Variants in CLASP1 observed in about 807,000 individuals in gnomAD.
The protein encoded by CLASP1 is cytoplasmic linker associated protein 1.
A neutral mutation model predicts 192.3 loss-of-function variants in CLASP1; 38 were observed. The observed-to-expected ratio is 0.20, with a 90% confidence interval of 0.15 to 0.26. The LOEUF is 0.26. Among genes scored for constraint, CLASP1 ranks in the 10% least tolerant of loss-of-function variants. The pLI is 1.00. For synonymous variants in CLASP1, 691 were observed against 712.8 expected, an observed-to-expected ratio of 0.97 and a Z score of 0.49; for missense variants, 1,433 against 1,932.5, an observed-to-expected ratio of 0.74 and a Z score of 4.85.
At chr2:121,585,614 C>T (rs1340933676) in intron 2 of CLASP1, among the ~76,000 whole-genome samples, 1 of 152,160 alleles carries the variant, frequency 6.6e-6, no homozygotes, top group Non-Finnish European at 1.5e-5. Flanking sequence ...AAAAATAAGT[C>T]TTTTGGCCAG....
chr2:121,574,634 CAA>C (rs1173756631), intron 2 of CLASP1, among the ~76,000 whole-genome samples: 18 of 79,024 alleles, frequency 2.3e-4, no homozygotes, highest in African/African-American at 3.0e-4. Context: ...GACTCCATAT[CAA>C]AAAAAAAAAA....
chr2:121,368,342 A>G lies in CLASP1; in HGVS notation c.3643-511T>C, dbSNP rs529286618. Among the ~76,000 whole-genome samples the G allele has an allele frequency of 4.6e-5, 7 of 152,228 alleles. No homozygotes were observed. In the East Asian group the frequency reaches 1.4e-3, roughly 29 times the overall value. The stretch of plus-strand genomic sequence containing the variant: ...GGGCCTCGGCGCTTCACAATCTCCT[A>G]TGACAGAGAACTCAGCACCTCCTAG... On this transcript the variant is annotated intron_variant, in intron 34 of 39. Coordinates refer to ENST00000263710, the Ensembl canonical transcript of CLASP1.
At chr2:121,478,823 C>G (rs537703865) in intron 8 of CLASP1, among the ~76,000 whole-genome samples, 1 of 31,030 alleles carries the variant, frequency 3.2e-5, no homozygotes, top group South Asian at 1.0e-3. Context: ...CCACACACAA[C>G]CACACACCAC....
At chr2:121,559,425 A>G (rs2058874242) in intron 2 of CLASP1, among the ~76,000 whole-genome samples, 1 of 152,234 alleles carries the variant, frequency 6.6e-6, no homozygotes, top group Non-Finnish European at 1.5e-5. Flanking sequence ...TAATAGTCAA[A>G]AAGTGAAAAC....
intron 1 of CLASP1, among the ~76,000 whole-genome samples, chr2:121,612,036 AGAG>A (rs1192029065): frequency 1.8e-5 from 2 of 113,686 alleles, no homozygotes; most frequent in Non-Finnish European, 3.7e-5. Flanking sequence ...AGGAACTGGA[AGAG>A]GAGGAGTTAC....
chr2:121,438,261 A>G (rs938070959), intron 19 of CLASP1, among the ~76,000 whole-genome samples: 8 of 152,260 alleles, frequency 5.3e-5, no homozygotes, highest in African/African-American at 1.9e-4. Context: ...TCTTCCAAAC[A>G]CCACAGGTGA....
intron 32 of CLASP1, among the ~76,000 whole-genome samples, chr2:121,386,798 T>G (rs938003843): frequency 6.6e-6 from 1 of 152,216 alleles, no homozygotes; most frequent in African/African-American, 2.4e-5. Flanking sequence ...ACTTGCAGAA[T>G]GGGTAATGAG....
intron 1 of CLASP1, among the ~76,000 whole-genome samples, chr2:121,623,365 C>CTTA (rs2067720039): frequency 6.6e-6 from 1 of 152,192 alleles, no homozygotes; most frequent in Non-Finnish European, 1.5e-5. Flanking sequence ...GCCAACTTTG[C>CTTA]ATTCCTGGGA....
chr2:121,567,260 G>C (rs936227766), intron 2 of CLASP1, among the ~76,000 whole-genome samples: 1 of 152,204 alleles, frequency 6.6e-6, no homozygotes, highest in Non-Finnish European at 1.5e-5. Flanking sequence ...GCACTGTCCT[G>C]TCCTGATGCT....
intron 1 of CLASP1, among the ~76,000 whole-genome samples, chr2:121,635,928 G>A (rs1008959764): frequency 2.6e-5 from 4 of 152,038 alleles, no homozygotes; most frequent in South Asian, 2.1e-4. Flanking sequence ...CAGGCCAGGC[G>A]CAGTGGCTCA....
chr2:121,486,269 T>C (rs995640734), intron 8 of CLASP1, among the ~76,000 whole-genome samples: 17 of 152,200 alleles, frequency 1.1e-4, no homozygotes, highest in Admixed American at 5.9e-4. Flanking sequence ...AGTGGGCATA[T>C]TCTGACTTAC....
intron 30 of CLASP1, among the ~76,000 whole-genome samples, chr2:121,394,663 C>G (rs1483902333): frequency 6.6e-6 from 1 of 152,124 alleles, no homozygotes; most frequent in East Asian, 1.9e-4. Context: ...GGGCGGATCA[C>G]GAGGTCAGGA....
chr2:121,571,613 C>G (rs2059983802), intron 2 of CLASP1, among the ~76,000 whole-genome samples: 1 of 152,004 alleles, frequency 6.6e-6, no homozygotes, highest in South Asian at 2.1e-4. Flanking sequence ...TGGGAGCAAG[C>G]AATTTTAACT....
intron 1 of CLASP1, among the ~76,000 whole-genome samples, chr2:121,616,037 C>G (rs2066398425): frequency 6.6e-6 from 1 of 152,078 alleles, no homozygotes; most frequent in African/African-American, 2.4e-5. Context: ...AATTAAGAAA[C>G]ACGAAGTCAA....
At chr2:121,478,645 CCCCCACACACACACA>C (rs2091971083) in intron 8 of CLASP1, among the ~76,000 whole-genome samples, 1 of 84,398 alleles carries the variant, frequency 1.2e-5, no homozygotes, top group Non-Finnish European at 2.3e-5. Flanking sequence ...ACACACACAC[CCCCCACACACACACA>C]CCCCCCACAC....
At chr2:121,397,757 T>C (rs2075530373) in intron 29 of CLASP1, among the ~76,000 whole-genome samples, 1 of 152,230 alleles carries the variant, frequency 6.6e-6, no homozygotes. Flanking sequence ...GAGGAAAAGG[T>C]AATTATTTGT....
chr2:121,557,647 A>G (rs1434766577), intron 2 of CLASP1, among the ~76,000 whole-genome samples: 1 of 151,860 alleles, frequency 6.6e-6, no homozygotes, highest in Non-Finnish European at 1.5e-5. Context: ...AATCAACCAT[A>G]AGCTCTGCTA....
At chr2:121,608,878 AATAAT>A (rs1209188971) in intron 1 of CLASP1, among the ~76,000 whole-genome samples, 1 of 152,176 alleles carries the variant, frequency 6.6e-6, no homozygotes, top group East Asian at 1.9e-4. Context: ...AACCAATAAT[AATAAT>A]AATAATACAA....
At chr2:121,440,268 T>C (rs1040382321) in intron 19 of CLASP1, among the ~76,000 whole-genome samples, 1 of 152,202 alleles carries the variant, frequency 6.6e-6, no homozygotes, top group African/African-American at 2.4e-5. Context: ...ATTTATTTTA[T>C]AGGAAAAGGT....
Sources: gnomAD v4.1 joint callset for allele counts (sites outside exome capture counted in the v4.1 genomes callset) on GRCh38, gnomAD v4.1.1 for gene constraint, MANE v1.5 for transcripts, NCBI Gene and HGNC (gene_info 2026-07-23, HGNC 2026-07-21) for gene names.